Variants in EYA2 observed in about 807,000 individuals in gnomAD.
EYA2 encodes the protein EYA transcriptional coactivator and phosphatase 2, also known as protein phosphatase EYA2.
A neutral mutation model predicts 69.2 loss-of-function variants in EYA2; 31 were observed. The observed-to-expected ratio is 0.45, with a 90% CI of 0.34 to 0.60. The LOEUF (loss-of-function observed/expected upper bound fraction) is 0.60. Among genes scored for constraint, EYA2 ranks in the 20% least tolerant of loss-of-function variants. The probability of loss-of-function intolerance (pLI) is 0.02; values close to 1 mark genes in which losing one functional copy is unlikely to be tolerated. For synonymous variants in EYA2, 257 were observed against 279.4 expected, an observed-to-expected ratio of 0.92 and a Z score of 0.80; for missense variants, 622 against 701.2, an observed-to-expected ratio of 0.89 and a Z score of 1.28.
chr20:46,899,821 C>T (rs375286295), intron 1 of EYA2, among the ~76,000 whole-genome samples: 1 of 152,204 alleles, frequency 6.6e-6, no homozygotes, highest in Admixed American at 6.5e-5. Flanking sequence ...CCAGGGGCTT[C>T]GTCAGCGCTG....
intron 9 of EYA2, among the ~76,000 whole-genome samples, chr20:47,139,244 G>A (rs892126121): frequency 3.9e-5 from 6 of 152,184 alleles, no homozygotes; most frequent in African/African-American, 4.8e-5. Flanking sequence ...GAATTACTGA[G>A]TATGTTGCCT....
intron 7 of EYA2, among the ~76,000 whole-genome samples, chr20:47,087,943 G>A (rs2031947621): frequency 6.6e-6 from 1 of 152,242 alleles, no homozygotes; most frequent in African/African-American, 2.4e-5. Flanking sequence ...TAATAGAGAA[G>A]TGGCGGGGCA....
chr20:47,026,297 T>C (rs1984078549), intron 5 of EYA2, among the ~76,000 whole-genome samples: 1 of 152,202 alleles, frequency 6.6e-6, no homozygotes, highest in South Asian at 2.1e-4. Context: ...GTTTAAATGT[T>C]AAAAATAAAA....
intron 10 of EYA2, among the ~76,000 whole-genome samples, chr20:47,144,639 G>T (rs6094606): frequency 0.18 from 26,668 of 152,106 alleles, 2,412 homozygotes; most frequent in African/African-American, 0.23. Context: ...CTTGTGTTTT[G>T]TCTAATCTAT....
chr20:46,911,842 AC>A (rs1293765407), intron 1 of EYA2, among the ~76,000 whole-genome samples: 1 of 152,196 alleles, frequency 6.6e-6, no homozygotes, highest in African/African-American at 2.4e-5. Context: ...ACATACAGCT[AC>A]ATAGAAAGAA....
intron 1 of EYA2, among the ~76,000 whole-genome samples, chr20:46,985,428 G>T (rs1024233786): frequency 3.9e-5 from 6 of 152,200 alleles, no homozygotes; most frequent in Non-Finnish European, 7.3e-5. Context: ...ACACATTCCT[G>T]CTCTGCTTAA....
In EYA2 at chr20:47,143,138, A is replaced by G. The variant is rs770732276; in HGVS notation, c.968A>G (p.Asn323Ser). The G allele has an allele frequency of 7.4e-6, 12 of 1,612,588 alleles. No homozygotes were observed. The highest frequency in any genetic ancestry group is 6.7e-5 in the African/African-American group (5 of 74,856). ...FNLADTHLFF[N>S]DLEDCDQIHV... ...CTTGCAGATACACATCTGTTCTTCAATGACCTGGAGGTTTGTGGTTGCTGA... is the reference window on the plus strand; with the variant it reads ...CTTGCAGATACACATCTGTTCTTCAGTGACCTGGAGGTTTGTGGTTGCTGA... Residue 323 changes from asparagine (N) to serine (S), a missense_variant, in exon 10 of 16, where the codon AAT (asparagine) becomes AGT (serine). Transcript: ENST00000327619.
chr20:47,141,562 C>G (rs1470245675), intron 9 of EYA2, among the ~76,000 whole-genome samples: 1 of 152,174 alleles, frequency 6.6e-6, no homozygotes, highest in Non-Finnish European at 1.5e-5. Context: ...CAAACATCCC[C>G]AAAATCTCAT....
chr20:47,022,251 G>A (rs1307843924), intron 5 of EYA2, among the ~76,000 whole-genome samples: 4 of 152,088 alleles, frequency 2.6e-5, no homozygotes, highest in South Asian at 2.1e-4. Flanking sequence ...CTTTATGAAC[G>A]TTCTTTGAAT....
At chr20:46,989,711 G>A (rs1312819742) in intron 1 of EYA2, among the ~76,000 whole-genome samples, 2 of 152,192 alleles carry the variant, frequency 1.3e-5, no homozygotes, top group African/African-American at 4.8e-5. Flanking sequence ...TCATTTATAT[G>A]ACATTGAAGA....
At chr20:47,171,749 A>C (rs148190957) in intron 11 of EYA2, among the ~76,000 whole-genome samples, 17 of 152,068 alleles carry the variant, frequency 1.1e-4, no homozygotes, top group South Asian at 8.4e-4. Context: ...ACATCTAGAC[A>C]TCTCCCCATG....
intron 4 of EYA2, among the ~76,000 whole-genome samples, chr20:47,015,756 C>T (rs1983370223): frequency 6.6e-6 from 1 of 152,138 alleles, no homozygotes; most frequent in African/African-American, 2.4e-5. Flanking sequence ...CAAAACAAAT[C>T]ACAACTGCAA....
chr20:46,952,721 G>T (rs1183160709), intron 1 of EYA2, among the ~76,000 whole-genome samples: 1 of 152,218 alleles, frequency 6.6e-6, no homozygotes, highest in Admixed American at 6.5e-5. Flanking sequence ...GGCAGGCTGA[G>T]GCCTGCGAGT....
chr20:47,093,307 G>A (rs1329065646), intron 8 of EYA2, among the ~76,000 whole-genome samples: 7 of 152,202 alleles, frequency 4.6e-5, no homozygotes, highest in South Asian at 4.1e-4. Context: ...GTCAGATCCC[G>A]GGGTCTGGGT....
In EYA2 at chr20:47,081,478, G is replaced by A. The variant is rs150759781; in HGVS notation, c.661+7143G>A. On this transcript the variant is annotated intron_variant, in intron 7 of 15. Transcript: ENST00000327619. The stretch of plus-strand genomic sequence containing the variant: ...CATCATCATCATCTACAGGGTTGCT[G>A]TGAAAATTGAAATAAAAAGGCCGGG... Among the ~76,000 whole-genome samples the A allele has an allele frequency of 2.0e-3, 304 of 152,190 alleles. 8 individuals carry two copies. The East Asian group carries it at 0.052, about 26-fold the overall frequency.
intron 1 of EYA2, among the ~76,000 whole-genome samples, chr20:46,944,954 A>G (rs1978364879): frequency 6.6e-6 from 1 of 152,122 alleles, no homozygotes; most frequent in African/African-American, 2.4e-5. Context: ...AAATACAAAA[A>G]TTAGCCAGGC....
chr20:47,066,411 A>G (rs1207181960), intron 5 of EYA2, among the ~76,000 whole-genome samples: 1 of 152,178 alleles, frequency 6.6e-6, no homozygotes, highest in Non-Finnish European at 1.5e-5. Flanking sequence ...TCAACCAAAA[A>G]TGGTAGCAGT....
intron 10 of EYA2, among the ~76,000 whole-genome samples, chr20:47,149,447 C>T (rs931378316): frequency 1.3e-5 from 2 of 151,940 alleles, no homozygotes; most frequent in African/African-American, 4.8e-5. Context: ...AAGATTGTAA[C>T]GGCCCCCATC....
chr20:47,132,780 G>A lies in EYA2; in HGVS notation c.889-10279G>A, dbSNP rs3787248. 7.9e-5 allele frequency among the ~76,000 whole-genome samples: 12 copies of A among 152,314 alleles called. No homozygotes were observed. The East Asian group carries it at 2.3e-3, about 29-fold the overall frequency. ...CCCCATTAGGCAATGCTTGTATAAG[G>A]GAGAGGTTACTCTTTTCAGACTACA... On this transcript the variant is annotated intron_variant, in intron 9 of 15. Transcript: ENST00000327619.
Sources: gnomAD v4.1 joint callset for allele counts (sites outside exome capture counted in the v4.1 genomes callset) on GRCh38, gnomAD v4.1.1 for gene constraint, MANE v1.5 for transcripts, NCBI Gene and HGNC (gene_info 2026-07-23, HGNC 2026-07-21) for gene names.